The following PPP3CA variants were observed in gnomAD, a reference collection of about 807,000 sequenced individuals.
The protein encoded by PPP3CA is protein phosphatase 3 catalytic subunit alpha, also known as CAM-PRP catalytic subunit.
A neutral mutation model predicts 66.5 loss-of-function variants in PPP3CA; 14 were observed. The ratio of observed to expected loss-of-function variants is 0.21; its 90% CI spans 0.14 to 0.33. The LOEUF (loss-of-function observed/expected upper bound fraction) is 0.33, where lower values mean the gene tolerates loss of function less well. PPP3CA is among the 10% of genes least tolerant of loss of function. The probability of loss-of-function intolerance (pLI) is 1.00; values close to 1 mark genes in which losing one functional copy is unlikely to be tolerated. For missense variants in PPP3CA, 317 were observed against 639.5 expected (o/e 0.50, Z 5.44); for synonymous variants, 232 against 226.2 (o/e 1.03, Z -0.23).
intron 2 of PPP3CA, among the ~76,000 whole-genome samples, chr4:101,176,865 A>G (rs780134143): frequency 2.6e-5 from 4 of 152,192 alleles, no homozygotes; most frequent in Non-Finnish European, 4.4e-5. Context: ...ACGATATACT[A>G]GGATATTTTA....
chr4:101,170,564 GA>G lies in PPP3CA; in HGVS notation c.259+25351del, dbSNP rs57756762. Among the ~76,000 whole-genome samples the G allele has an allele frequency of 3.1e-3, 450 of 146,174 alleles. 3 individuals carry two copies. Among genetic ancestry groups the G allele is most frequent in the African/African-American group, 9.6e-3 (386 of 40,176 alleles). ...ATATCATGGAAGTAGGGTGAGAGGT[GA>G]AAAAAAAAAATAACAACAGGAGACT... is the stretch of plus-strand genomic sequence containing the variant. On this transcript the variant is annotated intron_variant, in intron 2 of 13. Transcript: ENST00000394854.
intron 1 of PPP3CA, among the ~76,000 whole-genome samples, chr4:101,271,982 C>T (rs765987626): frequency 6.6e-6 from 1 of 152,124 alleles, no homozygotes; most frequent in Admixed American, 6.5e-5. Context: ...TATACTATAA[C>T]AAGATAATGA....
intron 2 of PPP3CA, among the ~76,000 whole-genome samples, chr4:101,118,699 A>G (rs752077833): frequency 9.9e-5 from 15 of 151,754 alleles, no homozygotes; most frequent in Non-Finnish European, 1.9e-4. Context: ...ACCTTAGTCA[A>G]TAAGTGATGC....
chr4:101,036,584 T>C (rs949082800), intron 11 of PPP3CA, among the ~76,000 whole-genome samples: 4 of 152,182 alleles, frequency 2.6e-5, no homozygotes, highest in Non-Finnish European at 4.4e-5. Flanking sequence ...GCTAATTTTT[T>C]TGTATTTTCA....
chr4:101,098,560 T>C (rs1372859474), intron 4 of PPP3CA, 48 bp from the exon 5 acceptor site: 8 of 1,522,380 alleles, frequency 5.3e-6, no homozygotes, highest in Admixed American at 4.4e-5. Flanking sequence ...GGCAGGATCA[T>C]TTCACTGAAA....
rs954028962 is a variant in PPP3CA at position 101,023,944 on chromosome 4, G to A, written c.*1921C>T. Reference sequence around the variant, plus strand: ...GTTAATACAAATGCAACTCTTTTCTGTGATGAAAATGCACTTAGTAGCCTA... The same window carrying A: ...GTTAATACAAATGCAACTCTTTTCTATGATGAAAATGCACTTAGTAGCCTA... On this transcript the variant is annotated 3_prime_UTR_variant, in exon 14 of 14. Transcript: ENST00000394854. 2.0e-5 allele frequency: 3 copies of A among 152,628 alleles called. No homozygotes were observed. Among genetic ancestry groups the A allele is most frequent in the African/African-American group, 7.2e-5 (3 of 41,462 alleles). 9.5% of individuals were successfully genotyped at this position (152,628 alleles called of 1,614,324 possible).
At chr4:101,111,398 C>T (rs374926490) in intron 2 of PPP3CA, among the ~76,000 whole-genome samples, 14 of 152,220 alleles carry the variant, frequency 9.2e-5, no homozygotes, top group Middle Eastern at 3.4e-3. Flanking sequence ...TGGCTCTCTC[C>T]CTCTCCTTGC....
chr4:101,299,578 A>C (rs1425546857), intron 1 of PPP3CA, among the ~76,000 whole-genome samples: 1 of 152,048 alleles, frequency 6.6e-6, no homozygotes, highest in Non-Finnish European at 1.5e-5. Flanking sequence ...AATCATCGTT[A>C]TGCAGCACAT....
intron 8 of PPP3CA, among the ~76,000 whole-genome samples, chr4:101,067,999 T>C (rs75912152): frequency 0.014 from 2,105 of 152,194 alleles, 54 homozygotes; most frequent in African/African-American, 0.048. Flanking sequence ...GATTCCAACA[T>C]ACTTCAGGCA....
intron 7 of PPP3CA, among the ~76,000 whole-genome samples, chr4:101,081,632 C>T (rs147175833): frequency 2.6e-5 from 4 of 152,134 alleles, no homozygotes; most frequent in Admixed American, 2.6e-4. Flanking sequence ...TTCTGGTAGA[C>T]TGAACCGTGC....
chr4:101,063,788 C>T (rs1358313), intron 8 of PPP3CA, among the ~76,000 whole-genome samples: 52,781 of 151,714 alleles, frequency 0.35, 11,116 homozygotes, highest in African/African-American at 0.58. Context: ...GAACTCCCAA[C>T]AGTTGTACAA....
chr4:101,180,001 G>A (rs1011765670), intron 2 of PPP3CA, among the ~76,000 whole-genome samples: 6 of 152,244 alleles, frequency 3.9e-5, no homozygotes, highest in South Asian at 2.1e-4. Context: ...ATCTGCACTT[G>A]TAGTACATCA....
intron 1 of PPP3CA, among the ~76,000 whole-genome samples, chr4:101,247,016 GA>G (rs1726503166): frequency 6.6e-6 from 1 of 152,104 alleles, no homozygotes; most frequent in Admixed American, 6.5e-5. Flanking sequence ...ACTTTCTTTA[GA>G]GCAAATATAA....
intron 2 of PPP3CA, among the ~76,000 whole-genome samples, chr4:101,114,244 C>T (rs1439380497): frequency 6.6e-6 from 1 of 152,038 alleles, no homozygotes; most frequent in African/African-American, 2.4e-5. Flanking sequence ...ACTGTATATA[C>T]TTATGTCAGA....
intron 1 of PPP3CA, among the ~76,000 whole-genome samples, chr4:101,203,658 T>C (rs1263838742): frequency 6.6e-6 from 1 of 152,138 alleles, no homozygotes; most frequent in East Asian, 1.9e-4. Context: ...TATTTATGTA[T>C]ATCTATTCTT....
intron 1 of PPP3CA, among the ~76,000 whole-genome samples, chr4:101,320,869 G>A (rs575618516): frequency 1.3e-5 from 2 of 152,138 alleles, no homozygotes; most frequent in African/African-American, 4.8e-5. Context: ...TTTGTGAAAA[G>A]ATCTCAGGTA....
chr4:101,106,453 G>GAAAGAAAGAAAGAAGGGAAGAGAAA lies in PPP3CA; in HGVS notation c.384+2500_384+2501insTTTCTCTTCCCTTCTTTCTTTCTTT, dbSNP rs775018059. 1.1e-4 allele frequency among the ~76,000 whole-genome samples: 4 copies of GAAAGAAAGAAAGAAGGGAAGAGAAA among 35,512 alleles called. 1 individual carries two copies. The highest frequency in any genetic ancestry group is 5.3e-5 in the Non-Finnish European group (1 of 19,014). The allele number at this position is 35,512 out of a possible 152,430, so 23.3% of individuals were successfully genotyped here. ...AGAAAGAAAGAAAGAAAGAAAGAAAGAGAAAAGAAAAGAAAAGAAAAGAAA... is the reference window on the plus strand; with the variant it reads ...AGAAAGAAAGAAAGAAAGAAAGAAAGAAAGAAAGAAAGAAGGGAAGAGAAAAGAAAAGAAAAGAAAAGAAAAGAAA... On this transcript the variant is annotated intron_variant, in intron 3 of 13. Transcript: ENST00000394854.
chr4:101,098,992 T>C (rs993992419), intron 4 of PPP3CA, among the ~76,000 whole-genome samples: 1 of 152,242 alleles, frequency 6.6e-6, no homozygotes, highest in East Asian at 1.9e-4. Context: ...TTATGCTCCA[T>C]TGAATATAGG....
chr4:101,325,091 G>C (rs979704676), intron 1 of PPP3CA, among the ~76,000 whole-genome samples: 1 of 152,198 alleles, frequency 6.6e-6, no homozygotes, highest in Non-Finnish European at 1.5e-5. Context: ...AAAGGAAAAA[G>C]ATGCTGGAGG....
Sources: gnomAD v4.1 joint callset for allele counts (sites outside exome capture counted in the v4.1 genomes callset) on GRCh38, gnomAD v4.1.1 for gene constraint, MANE v1.5 for transcripts, NCBI Gene and HGNC (gene_info 2026-07-23, HGNC 2026-07-21) for gene names.